Variants in SDK2 observed in about 807,000 individuals in gnomAD.
SDK2 encodes the protein sidekick cell adhesion molecule 2.
A neutral mutation model predicts 253.9 loss-of-function variants in SDK2; 105 were observed. The ratio of observed to expected loss-of-function variants is 0.41; its 90% CI spans 0.35 to 0.49. The LOEUF is 0.49. Ranked by LOEUF, SDK2 falls within the 20% of genes least tolerant of loss-of-function variation. The probability of loss-of-function intolerance (pLI) is 0.06; values close to 1 mark genes in which losing one functional copy is unlikely to be tolerated. For missense variants in SDK2, 2,608 were observed against 3,003.0 expected, an observed-to-expected ratio of 0.87 and a Z score of 3.07; for synonymous variants, 1,249 against 1,234.9, an observed-to-expected ratio of 1.01 and a Z score of -0.24.
At chr17:73,625,675 C>T (rs2046192503) in intron 1 of SDK2, among the ~76,000 whole-genome samples, 1 of 152,026 alleles carries the variant, frequency 6.6e-6, no homozygotes, top group Non-Finnish European at 1.5e-5. Context: ...GAGAGAGTCT[C>T]ACTCTGTTGT....
chr17:73,557,016 G>A (rs12941145), intron 1 of SDK2, among the ~76,000 whole-genome samples: 26,644 of 152,228 alleles, frequency 0.18, 2,617 homozygotes, highest in African/African-American at 0.25. Context: ...CAAAGGCCAC[G>A]CAGCAGCTAG....
At chr17:73,380,148 C>T (rs551333200) in intron 34 of SDK2, among the ~76,000 whole-genome samples, 3 of 152,230 alleles carry the variant, frequency 2.0e-5, no homozygotes, top group African/African-American at 7.2e-5. Flanking sequence ...CTCCCACCCT[C>T]TCCACTCTTC....
rs1202405671 is a variant in SDK2 at position 73,521,290 on chromosome 17, C to T, written c.65-13693G>A. On this transcript the variant is annotated intron_variant, in intron 1 of 44. Transcript: ENST00000392650. Reference sequence around the variant, plus strand: ...TCTTGGACTCAAGCAATGTACCCACCTCGGCCTCCCAAAGTGCTAGGATTA... The same window carrying T: ...TCTTGGACTCAAGCAATGTACCCACTTCGGCCTCCCAAAGTGCTAGGATTA... 2.0e-5 allele frequency: 3 copies of T among 151,894 alleles called. No individual in the cohort carries two copies. The East Asian group carries it at 5.8e-4, about 29-fold the overall frequency. The allele number at this position is 151,894 out of a possible 1,614,324, so 9.4% of individuals were successfully genotyped here.
intron 1 of SDK2, among the ~76,000 whole-genome samples, chr17:73,600,164 C>T (rs1459850291): frequency 6.6e-6 from 1 of 152,206 alleles, no homozygotes. Context: ...GGCAGACCCT[C>T]ACCCTTCCCT....
At position 73,616,538 on chromosome 17, in the gene SDK2, C is replaced by T. The variant is rs371743120; in HGVS notation, c.64+27487G>A. ...GCTTTGGTTTGTTTCGTTCTCCTGG[C>T]TGAATTACCACGTGGCAGCAGATCC... On this transcript the variant is annotated intron_variant, in intron 1 of 44. Transcript: ENST00000392650. The surrounding 1 kb of genome is among the most constrained non-coding windows in gnomAD (Gnocchi z 5.2). Among the ~76,000 whole-genome samples the T allele has an allele frequency of 6.8e-4, 103 of 152,288 alleles. No individual in the cohort carries two copies. Among genetic ancestry groups the T allele is most frequent in the African/African-American group, 2.4e-3 (99 of 41,544 alleles).
intron 9 of SDK2, among the ~76,000 whole-genome samples, chr17:73,434,126 G>C (rs576578941): frequency 5.9e-5 from 9 of 152,322 alleles, no homozygotes; most frequent in African/African-American, 2.2e-4. Flanking sequence ...CCTGCATTTG[G>C]GGGAAACTGA....
chr17:73,600,180 T>G (rs2045817726), intron 1 of SDK2, among the ~76,000 whole-genome samples: 1 of 152,156 alleles, frequency 6.6e-6, no homozygotes, highest in Admixed American at 6.5e-5. Context: ...TCCCTGGCCA[T>G]TGCAGCTCCC....
In SDK2 at chr17:73,350,732, G is replaced by A. The variant is rs79391654; in HGVS notation, c.5817C>T (p.Val1939=). 2.0e-5 allele frequency: 33 copies of A among 1,613,442 alleles called. No homozygotes were observed. In the East Asian group the frequency reaches 4.0e-4, roughly 20 times the overall value. Residue 1939 remains valine (V), a synonymous_variant, in exon 42 of 45, where the codon GTC becomes GTT. Transcript: ENST00000392650. ...EWWFLVVIAL[V]GLIFILLLVF... ...CCAGAAGCAGGATGAAGATGAGGCC[G>A]ACCAGGGCAATGACCACCAAGAACC...
Position 73,398,051 on chromosome 17 carries a change from AGGCTGGTCTCACT to A in SDK2, c.3325_3337del (p.Ser1109CysfsTer36). ...GAGCCTTACCATCCAGCGCAGCCACAGGCTGGTCTCACTGGCTGTGCGCAGAGACACATTGGCT... is the reference window on the plus strand; with the variant it reads ...GAGCCTTACCATCCAGCGCAGCCACAGGCTGTGCGCAGAGACACATTGGCT... On this transcript the variant is annotated frameshift_variant, in exon 24 of 45. Coordinates refer to ENST00000392650, the MANE Select transcript of SDK2 (RefSeq NM_001144952.2). LOFTEE classifies it high-confidence loss of function. 1 of 1,612,464 alleles carries A rather than the reference AGGCTGGTCTCACT, an allele frequency of 6.2e-7. No homozygotes were observed. The highest frequency in any genetic ancestry group is 2.2e-5 in the East Asian group (1 of 44,870).
intron 3 of SDK2, among the ~76,000 whole-genome samples, chr17:73,456,853 T>G (rs1030492061): frequency 2.0e-5 from 3 of 152,106 alleles, no homozygotes; most frequent in African/African-American, 7.2e-5. Flanking sequence ...ACACGGAGGC[T>G]TGGAGATAGG....
chr17:73,427,079 C>A (rs946437583), intron 12 of SDK2, among the ~76,000 whole-genome samples: 2 of 151,254 alleles, frequency 1.3e-5, no homozygotes, highest in African/African-American at 4.9e-5. Flanking sequence ...AGCGAGACTC[C>A]ATCTCATAAA....
chr17:73,637,527 C>T (rs748620378), intron 1 of SDK2, among the ~76,000 whole-genome samples: 8 of 152,110 alleles, frequency 5.3e-5, no homozygotes, highest in Non-Finnish European at 7.4e-5. Context: ...TACAGGCATG[C>T]GCCACCACAC....
chr17:73,522,310 C>T (rs2145787958), intron 1 of SDK2, among the ~76,000 whole-genome samples: 1 of 152,354 alleles, frequency 6.6e-6, no homozygotes, highest in South Asian at 2.1e-4. Context: ...CTCTGCTGCC[C>T]ACCTCATCCT....
chr17:73,487,745 A>T (rs1314262305), intron 2 of SDK2, among the ~76,000 whole-genome samples: 3 of 152,208 alleles, frequency 2.0e-5, no homozygotes, highest in Non-Finnish European at 2.9e-5. Flanking sequence ...CAAGGCTTCA[A>T]ATGGGAAACG....
intron 3 of SDK2, among the ~76,000 whole-genome samples, chr17:73,461,658 T>C (rs919031029): frequency 2.0e-5 from 3 of 151,886 alleles, no homozygotes; most frequent in African/African-American, 7.3e-5. Flanking sequence ...TGGAAGGTTG[T>C]ATGGGTGAAT....
At chr17:73,561,290 C>T (rs2045229585) in intron 1 of SDK2, among the ~76,000 whole-genome samples, 1 of 152,184 alleles carries the variant, frequency 6.6e-6, no homozygotes, top group Non-Finnish European at 1.5e-5. Context: ...CTGCGGTCAG[C>T]CCTCAGCCTG....
chr17:73,599,248 G>A (rs529318364), intron 1 of SDK2, among the ~76,000 whole-genome samples: 2 of 152,038 alleles, frequency 1.3e-5, no homozygotes, highest in African/African-American at 2.4e-5. Context: ...AAGGAGAGAA[G>A]GTGCTGGGCA....
chr17:73,537,150 T>C (rs1269704239), intron 1 of SDK2, among the ~76,000 whole-genome samples: 1 of 152,152 alleles, frequency 6.6e-6, no homozygotes, highest in Non-Finnish European at 1.5e-5. Flanking sequence ...GACTGGGCGC[T>C]CAGTTAATAC....
intron 2 of SDK2, 147 bp from the exon 3 acceptor site, chr17:73,472,365 A>G: frequency 1.6e-6 from 1 of 617,584 alleles, no homozygotes; most frequent in Non-Finnish European, 2.9e-6. Context: ...GCCATGTCAT[A>G]GGATCACACA....
Sources: allele counts gnomAD v4.1 joint callset (sites outside exome capture counted in the v4.1 genomes callset), GRCh38; gene constraint gnomAD v4.1.1; non-coding constraint Gnocchi (gnomAD v3.1); transcripts MANE v1.5; gene names NCBI Gene and HGNC (gene_info 2026-07-23, HGNC 2026-07-21).